The following DCDC1 variants were observed in gnomAD, a reference collection of about 807,000 sequenced individuals.
DCDC1 encodes doublecortin domain containing 1.
In DCDC1, 200 loss-of-function variants were observed where a neutral mutation model predicts 178.3. The observed-to-expected ratio is 1.12, with a 90% CI of 1.00 to 1.26. The LOEUF is 1.26. Among genes scored for constraint, DCDC1 ranks in the 50% most tolerant of loss-of-function variants. The probability of loss-of-function intolerance (pLI) is 0.00; values close to 1 mark genes in which losing one functional copy is unlikely to be tolerated. For missense variants in DCDC1, 1,983 were observed against 1,749.2 expected, an observed-to-expected ratio of 1.13 and a Z score of -2.38; for synonymous variants, 690 against 604.8, an observed-to-expected ratio of 1.14 and a Z score of -2.07.
At chr11:31,046,207 G>A (rs1480757445) in intron 20 of DCDC1, among the ~76,000 whole-genome samples, 1 of 152,156 alleles carries the variant, frequency 6.6e-6, no homozygotes, top group Admixed American at 6.5e-5. Flanking sequence ...ATCATAAAGT[G>A]TGTTTGCTTT....
chr11:31,336,375 C>T (rs985756688), intron 1 of DCDC1, among the ~76,000 whole-genome samples: 3 of 152,084 alleles, frequency 2.0e-5, no homozygotes, highest in Non-Finnish European at 2.9e-5. Context: ...TGAAGAACAG[C>T]AAAAGTAGAT....
At chr11:31,328,328 T>C in intron 2 of DCDC1, 42 bp from the exon 3 acceptor site, 1 of 1,501,280 alleles carries the variant, frequency 6.7e-7, no homozygotes, top group Non-Finnish European at 8.9e-7. Context: ...AAATGTAAAA[T>C]CCTACTAGAT....
At chr11:31,123,772 G>A (rs1297067494) in intron 11 of DCDC1, among the ~76,000 whole-genome samples, 1 of 151,974 alleles carries the variant, frequency 6.6e-6, no homozygotes, top group Non-Finnish European at 1.5e-5. Flanking sequence ...CTGGGATGTG[G>A]GAGAAAGAAT....
At chr11:31,254,214 G>A (rs1944264702) in intron 8 of DCDC1, among the ~76,000 whole-genome samples, 1 of 152,152 alleles carries the variant, frequency 6.6e-6, no homozygotes, top group Non-Finnish European at 1.5e-5. Context: ...AGAAGGGTAA[G>A]GAAGCTGGGC....
intron 34 of DCDC1, among the ~76,000 whole-genome samples, chr11:30,897,440 T>A (rs1167835501): frequency 1.3e-5 from 2 of 151,724 alleles, no homozygotes; most frequent in East Asian, 3.9e-4. Context: ...TATGAAAAAA[T>A]TAGCCGGGCT....
At chr11:31,332,869 T>G (rs1950072603) in intron 2 of DCDC1, among the ~76,000 whole-genome samples, 1 of 152,182 alleles carries the variant, frequency 6.6e-6, no homozygotes, top group South Asian at 2.1e-4. Context: ...TGATCTGGGG[T>G]GGAGAGTTCT....
chr11:31,052,771 CA>C (rs1294493827), intron 20 of DCDC1, among the ~76,000 whole-genome samples: 7 of 152,208 alleles, frequency 4.6e-5, no homozygotes, highest in African/African-American at 1.7e-4. Context: ...GAAATTTAAA[CA>C]TTCTTTGAGC....
At chr11:31,218,604 T>C (rs1349342171) in intron 9 of DCDC1, among the ~76,000 whole-genome samples, 2 of 152,188 alleles carry the variant, frequency 1.3e-5, no homozygotes, top group Non-Finnish European at 2.9e-5. Context: ...TTTTATCTTT[T>C]ATGACATCAG....
intron 3 of DCDC1, among the ~76,000 whole-genome samples, chr11:31,323,875 C>A (rs12295302): frequency 0.012 from 1,794 of 152,130 alleles, 32 homozygotes; most frequent in African/African-American, 0.041. Context: ...GCCCTTTCTC[C>A]AACTTGCTTA....
Position 31,198,574 on chromosome 11 carries a change from G to A in DCDC1, c.1221+42876C>T, listed in dbSNP as rs533535017. On this transcript the variant is annotated intron_variant, in intron 9 of 38. Transcript: ENST00000684477. ...CACTAAAATGCCACTACTTGCTAGCGTTGTCACTACTTAAAATTCCTGCCC... is the reference window on the plus strand; with the variant it reads ...CACTAAAATGCCACTACTTGCTAGCATTGTCACTACTTAAAATTCCTGCCC... Among the ~76,000 whole-genome samples, 23 of 152,100 alleles carry A rather than the reference G, an allele frequency of 1.5e-4. No individual in the cohort carries two copies. The South Asian group carries it at 2.5e-3, about 16-fold the overall frequency.
At chr11:31,100,385 C>T (rs572283194) in intron 15 of DCDC1, among the ~76,000 whole-genome samples, 1 of 152,300 alleles carries the variant, frequency 6.6e-6, no homozygotes, top group East Asian at 1.9e-4. Flanking sequence ...CCCAAAGAAT[C>T]CTCAGTTTAG....
At chr11:31,242,345 C>G (rs369298551) in intron 8 of DCDC1, among the ~76,000 whole-genome samples, 4 of 151,790 alleles carry the variant, frequency 2.6e-5, no homozygotes, top group Non-Finnish European at 5.9e-5. Context: ...CTTTTTCACA[C>G]GATTAGTTAA....
chr11:30,990,278 T>A (rs2134913001), intron 20 of DCDC1, among the ~76,000 whole-genome samples: 1 of 152,266 alleles, frequency 6.6e-6, no homozygotes, highest in East Asian at 1.9e-4. Context: ...TCCTGTAAGA[T>A]CTCATTTGAA....
intron 20 of DCDC1, among the ~76,000 whole-genome samples, chr11:31,063,285 C>T (rs1956053464): frequency 6.6e-6 from 1 of 152,060 alleles, no homozygotes; most frequent in African/African-American, 2.4e-5. Context: ...TTGTGGAAGT[C>T]AGTGTGGCAA....
At chr11:31,352,769 C>A (rs1027537746) in intron 1 of DCDC1, among the ~76,000 whole-genome samples, 1 of 152,096 alleles carries the variant, frequency 6.6e-6, no homozygotes, top group African/African-American at 2.4e-5. Context: ...TGAGATGACC[C>A]AAAATGAAAC....
chr11:31,313,362 T>A (rs1948878421), intron 3 of DCDC1, among the ~76,000 whole-genome samples: 1 of 152,156 alleles, frequency 6.6e-6, no homozygotes, highest in Non-Finnish European at 1.5e-5. Flanking sequence ...ACATTATATC[T>A]GTTTATTGTT....
intron 9 of DCDC1, among the ~76,000 whole-genome samples, chr11:31,157,438 C>G (rs1235261912): frequency 7.5e-6 from 1 of 133,524 alleles, no homozygotes; most frequent in Non-Finnish European, 1.6e-5. Flanking sequence ...TATATACATA[C>G]ATATATAGGG....
chr11:31,105,553 T>C (rs1053360092), intron 13 of DCDC1, among the ~76,000 whole-genome samples: 3 of 151,814 alleles, frequency 2.0e-5, no homozygotes, highest in South Asian at 2.1e-4. Context: ...TCAGTTTTTA[T>C]CATTGAAAAA....
intron 11 of DCDC1, among the ~76,000 whole-genome samples, chr11:31,121,245 C>G (rs573449935): frequency 3.3e-5 from 5 of 151,674 alleles, no homozygotes; most frequent in African/African-American, 1.2e-4. Context: ...ATAGAATATA[C>G]GAGTGCACAT....
Sources: gnomAD v4.1 joint callset for allele counts (sites outside exome capture counted in the v4.1 genomes callset) on GRCh38, gnomAD v4.1.1 for gene constraint, MANE v1.5 for transcripts, NCBI Gene and HGNC (gene_info 2026-07-23, HGNC 2026-07-21) for gene names.